Variants in PTPRD observed in about 807,000 individuals in gnomAD.
PTPRD encodes protein tyrosine phosphatase receptor type D.
PTPRD carries 34 observed loss-of-function variants against 214.5 expected under a neutral mutation model. The ratio of observed to expected loss-of-function variants is 0.16; its 90% CI spans 0.12 to 0.21. The LOEUF (loss-of-function observed/expected upper bound fraction) is 0.21. PTPRD is among the 10% of genes least tolerant of loss of function. The probability of loss-of-function intolerance (pLI) is 1.00; values close to 1 mark genes in which losing one functional copy is unlikely to be tolerated. For missense variants in PTPRD, 2,545 were observed against 2,398.7 expected, an observed-to-expected ratio of 1.06 and a Z score of -1.27; for synonymous variants, 1,128 against 845.7, an observed-to-expected ratio of 1.33 and a Z score of -5.79.
chr9:9,354,703 T>C (rs988287325), intron 9 of PTPRD, among the ~76,000 whole-genome samples: 2 of 151,860 alleles, frequency 1.3e-5, no homozygotes, highest in African/African-American at 4.8e-5. Context: ...AGTAAAGGTA[T>C]CAGGGTAAGA....
chr9:8,927,786 G>A (rs895598158), intron 11 of PTPRD, among the ~76,000 whole-genome samples: 3 of 152,162 alleles, frequency 2.0e-5, no homozygotes, highest in Admixed American at 1.3e-4. Context: ...TTGCCACACT[G>A]ACTTCCACAA....
chr9:9,305,079 T>C (rs1956710827), intron 9 of PTPRD, among the ~76,000 whole-genome samples: 1 of 150,840 alleles, frequency 6.6e-6, no homozygotes, highest in South Asian at 2.1e-4. Context: ...CCTGAGCCTT[T>C]CTGGAAATTG....
rs1012207370 is a variant in PTPRD, at chr9:8,821,943, G to T, written c.-103-87997C>A. ...CTCTCAAAGCACTGGGATTACAGGCGTGAGCCACCCATCTGGCCTGAAAAC... is the reference window on the plus strand; with the variant it reads ...CTCTCAAAGCACTGGGATTACAGGCTTGAGCCACCCATCTGGCCTGAAAAC... On this transcript the variant is annotated intron_variant, in intron 11 of 45. Transcript: ENST00000381196. Among the ~76,000 whole-genome samples, 13 of 152,178 alleles carry T rather than the reference G, an allele frequency of 8.5e-5. 1 individual carries two copies. Among genetic ancestry groups the T allele is most frequent in the Admixed American group, 7.9e-4 (12 of 15,270 alleles).
intron 5 of PTPRD, among the ~76,000 whole-genome samples, chr9:9,930,631 T>A (rs1046407714): frequency 6.6e-6 from 1 of 152,154 alleles, no homozygotes; most frequent in Non-Finnish European, 1.5e-5. Context: ...AAATGCAGTA[T>A]TTTAAAGTTT....
chr9:8,324,786 C>T (rs1051862012), intron 44 of PTPRD, among the ~76,000 whole-genome samples: 7 of 151,954 alleles, frequency 4.6e-5, no homozygotes, highest in East Asian at 1.9e-4. Flanking sequence ...TTTTAATGAT[C>T]GACATTCTAA....
intron 7 of PTPRD, among the ~76,000 whole-genome samples, chr9:9,714,176 G>T (rs537531177): frequency 1.3e-5 from 2 of 151,336 alleles, no homozygotes; most frequent in South Asian, 2.1e-4. Context: ...AAATGAAGTT[G>T]CACTTTTTAC....
At chr9:10,197,718 G>A (rs1287595515) in intron 3 of PTPRD, among the ~76,000 whole-genome samples, 2 of 152,104 alleles carry the variant, frequency 1.3e-5, no homozygotes, top group African/African-American at 4.8e-5. Context: ...CCTGAATGCT[G>A]ATAGGGGAAG....
At chr9:10,473,502 G>A (rs1485395703) in intron 2 of PTPRD, among the ~76,000 whole-genome samples, 1 of 152,080 alleles carries the variant, frequency 6.6e-6, no homozygotes, top group Non-Finnish European at 1.5e-5. Flanking sequence ...ACAAGACTGA[G>A]CTTGCACATG....
chr9:9,606,938 G>A (rs1023735833), intron 7 of PTPRD, among the ~76,000 whole-genome samples: 2 of 115,478 alleles, frequency 1.7e-5, no homozygotes, highest in Non-Finnish European at 3.3e-5. Flanking sequence ...GCTAATTTTG[G>A]TGCAGTATCT....
intron 5 of PTPRD, among the ~76,000 whole-genome samples, chr9:9,823,864 A>G (rs2051679832): frequency 6.6e-6 from 1 of 152,074 alleles, no homozygotes; most frequent in African/African-American, 2.4e-5. Flanking sequence ...TAGAGGAGCA[A>G]ATCTGAAATG....
intron 9 of PTPRD, among the ~76,000 whole-genome samples, chr9:9,375,121 C>A (rs939204348): frequency 5.9e-5 from 9 of 151,948 alleles, no homozygotes; most frequent in Non-Finnish European, 1.2e-4. Context: ...GTGTTTCAAA[C>A]AAAACTTGAA....
At chr9:9,809,555 C>T (rs1011299691) in intron 5 of PTPRD, among the ~76,000 whole-genome samples, 10 of 152,130 alleles carry the variant, frequency 6.6e-5, no homozygotes, top group Non-Finnish European at 1.2e-4. Context: ...TGAGCCACTG[C>T]TCCCAGCAGG....
chr9:8,928,294 A>C (rs7865448), intron 11 of PTPRD, among the ~76,000 whole-genome samples: 152,284 of 152,304 alleles, frequency 1, 76,133 homozygotes, highest in Middle Eastern at 1. Flanking sequence ...ATGTCCTGAA[A>C]AGGATTGCCT....
intron 8 of PTPRD, among the ~76,000 whole-genome samples, chr9:9,468,088 T>C (rs904526728): frequency 3.9e-5 from 6 of 152,108 alleles, no homozygotes; most frequent in Non-Finnish European, 7.4e-5. Context: ...TTAGGATTTG[T>C]AGAACTTACT....
At chr9:9,827,352 G>T (rs536555664) in intron 5 of PTPRD, among the ~76,000 whole-genome samples, 1 of 151,886 alleles carries the variant, frequency 6.6e-6, no homozygotes, top group African/African-American at 2.4e-5. Context: ...AAATAATGCC[G>T]CATATCTACA....
intron 2 of PTPRD, among the ~76,000 whole-genome samples, chr9:10,416,406 G>A (rs2098489064): frequency 6.6e-6 from 1 of 151,820 alleles, no homozygotes. Flanking sequence ...AACACCCAAT[G>A]TTTGAAATAG....
chr9:8,954,236 A>C (rs2099119198), intron 11 of PTPRD, among the ~76,000 whole-genome samples: 1 of 151,952 alleles, frequency 6.6e-6, no homozygotes, highest in African/African-American at 2.4e-5. Flanking sequence ...AGTGAACTAA[A>C]GCAGAAACAG....
Position 10,420,693 on chromosome 9 carries a change from T to C in PTPRD, c.-599-79676A>G, listed in dbSNP as rs1452728550. On this transcript the variant is annotated intron_variant, in intron 2 of 45. Transcript: ENST00000381196. ...TCCTTATCCTGAGTGGCTTCAAATGTCTACTAATAAAATGTTTTATATTTC... is the reference window on the plus strand; with the variant it reads ...TCCTTATCCTGAGTGGCTTCAAATGCCTACTAATAAAATGTTTTATATTTC... Among the ~76,000 whole-genome samples the C allele has an allele frequency of 2.0e-5, 3 of 151,862 alleles. No homozygotes were observed. In the East Asian group the frequency reaches 5.8e-4, roughly 30 times the overall value.
intron 14 of PTPRD, among the ~76,000 whole-genome samples, chr9:8,549,886 T>G (rs1335965947): frequency 6.6e-6 from 1 of 152,166 alleles, no homozygotes; most frequent in African/African-American, 2.4e-5. Flanking sequence ...AAGGGTACCA[T>G]TTCAAGCTCT....
Sources: gnomAD v4.1 joint callset for allele counts (sites outside exome capture counted in the v4.1 genomes callset) on GRCh38, gnomAD v4.1.1 for gene constraint, MANE v1.5 for transcripts, NCBI Gene and HGNC (gene_info 2026-07-23, HGNC 2026-07-21) for gene names.